The following TNIK variants were observed in gnomAD, a reference collection of about 807,000 sequenced individuals.
TNIK encodes TRAF2 and NCK-interacting protein kinase.
In TNIK, 49 loss-of-function variants were observed where a neutral mutation model predicts 191.3. The observed-to-expected ratio is 0.26, with a 90% CI of 0.20 to 0.32. TNIK has a LOEUF of 0.32. Ranked by LOEUF, TNIK falls within the 10% of genes least tolerant of loss-of-function variation. The pLI is 1.00. For missense variants in TNIK, 1,155 were observed against 1,702.3 expected (o/e 0.68, Z 5.66); for synonymous variants, 594 against 600.9 (o/e 0.99, Z 0.17).
chr3:171,156,792 T>G (rs1733238533), intron 12 of TNIK, among the ~76,000 whole-genome samples: 1 of 152,216 alleles, frequency 6.6e-6, no homozygotes. Context: ...CCCTGGGTAC[T>G]AAGGGATGTC....
chr3:171,179,962 C>A (rs941883375), intron 7 of TNIK, among the ~76,000 whole-genome samples: 1 of 152,154 alleles, frequency 6.6e-6, no homozygotes, highest in Admixed American at 6.5e-5. Flanking sequence ...ACCCAAATCC[C>A]TAGGAACTGA....
intron 2 of TNIK, among the ~76,000 whole-genome samples, chr3:171,273,295 T>C (rs1013166775): frequency 1.3e-5 from 2 of 152,142 alleles, no homozygotes; most frequent in East Asian, 3.9e-4. Context: ...CCAGCCATAG[T>C]CTTGGGCCAT....
chr3:171,340,097 TA>T (rs1317014692), intron 2 of TNIK, among the ~76,000 whole-genome samples: 3 of 152,204 alleles, frequency 2.0e-5, no homozygotes, highest in Non-Finnish European at 4.4e-5. Context: ...ATTAAAATAT[TA>T]TAAAGAATAT....
chr3:171,283,299 A>G (rs1404301037), intron 2 of TNIK, among the ~76,000 whole-genome samples: 1 of 152,098 alleles, frequency 6.6e-6, no homozygotes, highest in Non-Finnish European at 1.5e-5. Context: ...TTCCACAAAA[A>G]TAGAACTACT....
intron 4 of TNIK, among the ~76,000 whole-genome samples, chr3:171,210,851 G>T (rs1254534820): frequency 7.6e-6 from 1 of 131,424 alleles, no homozygotes. Flanking sequence ...GTCAATTAGT[G>T]AAAAAAAAAA....
intron 4 of TNIK, among the ~76,000 whole-genome samples, chr3:171,205,557 T>A (rs1264201710): frequency 2.6e-5 from 4 of 152,222 alleles, no homozygotes; most frequent in African/African-American, 4.8e-5. Context: ...AAGTGCTCAC[T>A]ACTTGCAGAT....
intron 3 of TNIK, among the ~76,000 whole-genome samples, chr3:171,219,090 A>AT (rs1741919006): frequency 8.5e-6 from 1 of 117,810 alleles, no homozygotes. Flanking sequence ...TATTTTATAT[A>AT]AATATATAAT....
chr3:171,155,825 TTTGAC>T (rs1733096070), intron 12 of TNIK, among the ~76,000 whole-genome samples: 1 of 152,220 alleles, frequency 6.6e-6, no homozygotes, highest in African/African-American at 2.4e-5. Flanking sequence ...GCATACCAAC[TTTGAC>T]TTATCAGTGG....
intron 2 of TNIK, among the ~76,000 whole-genome samples, chr3:171,299,790 C>A (rs1481573807): frequency 2.6e-5 from 4 of 152,180 alleles, no homozygotes; most frequent in Admixed American, 2.6e-4. Flanking sequence ...TATTTGGTAG[C>A]ACCTCTTCTT....
At chr3:171,452,343 T>C (rs1728263231) in intron 1 of TNIK, among the ~76,000 whole-genome samples, 1 of 152,142 alleles carries the variant, frequency 6.6e-6, no homozygotes, top group African/African-American at 2.4e-5. Context: ...CCATGGCTAT[T>C]TAAATGCCCT....
At chr3:171,336,050 C>T (rs191737293) in intron 2 of TNIK, among the ~76,000 whole-genome samples, 31 of 152,142 alleles carry the variant, frequency 2.0e-4, no homozygotes, top group Admixed American at 1.7e-3. Flanking sequence ...ATTCATACAG[C>T]CCCTTTACAG....
intron 3 of TNIK, among the ~76,000 whole-genome samples, chr3:171,225,923 A>G (rs871468): frequency 0.072 from 10,983 of 152,214 alleles, 674 homozygotes; most frequent in East Asian, 0.27. Context: ...TGCCAAGCTC[A>G]TCTCATTATG....
intron 1 of TNIK, among the ~76,000 whole-genome samples, chr3:171,428,068 G>A (rs1302455699): frequency 1.3e-5 from 2 of 152,144 alleles, no homozygotes; most frequent in African/African-American, 4.8e-5. Flanking sequence ...ACTTACTCTA[G>A]TGAATAATAA....
intron 2 of TNIK, among the ~76,000 whole-genome samples, chr3:171,270,773 T>C (rs778527972): frequency 2.0e-5 from 3 of 152,184 alleles, no homozygotes; most frequent in East Asian, 1.9e-4. Context: ...TTGGGAAAGT[T>C]ACTTCACACT....
intron 2 of TNIK, among the ~76,000 whole-genome samples, chr3:171,307,689 C>T (rs570680931): frequency 6.6e-6 from 1 of 152,264 alleles, no homozygotes; most frequent in East Asian, 1.9e-4. Flanking sequence ...AGAATCAGCA[C>T]AATCATCCCA....
intron 1 of TNIK, among the ~76,000 whole-genome samples, chr3:171,398,594 T>C (rs954334878): frequency 1.3e-5 from 2 of 152,182 alleles, no homozygotes; most frequent in African/African-American, 4.8e-5. Context: ...CCTTCTACTA[T>C]GTACCAAATC....
At chr3:171,429,529 C>T (rs916655964) in intron 1 of TNIK, among the ~76,000 whole-genome samples, 1 of 152,046 alleles carries the variant, frequency 6.6e-6, no homozygotes, top group African/African-American at 2.4e-5. Context: ...TCTTAGATTA[C>T]CCCACCTCCA....
intron 2 of TNIK, among the ~76,000 whole-genome samples, chr3:171,274,912 C>A (rs1749538835): frequency 6.6e-6 from 1 of 152,156 alleles, no homozygotes; most frequent in East Asian, 1.9e-4. Flanking sequence ...ATTAATCTTG[C>A]AAAACTGGGC....
intron 1 of TNIK, among the ~76,000 whole-genome samples, chr3:171,385,826 C>T (rs1042624744): frequency 2.6e-5 from 4 of 152,168 alleles, no homozygotes; most frequent in Non-Finnish European, 4.4e-5. Context: ...AATCAGGATT[C>T]CGTAAGCATT....
Sources: gnomAD v4.1 joint callset for allele counts (sites outside exome capture counted in the v4.1 genomes callset) on GRCh38, gnomAD v4.1.1 for gene constraint, MANE v1.5 for transcripts, NCBI Gene and HGNC (gene_info 2026-07-23, HGNC 2026-07-21) for gene names.